The following THRB variants were observed in gnomAD, a reference collection of about 807,000 sequenced individuals.
THRB encodes nuclear receptor subfamily 1 group A member 2.
THRB carries 12 observed loss-of-function variants against 47.8 expected under a neutral mutation model. That is an observed-to-expected ratio of 0.25 (90% CI 0.16 to 0.41). The LOEUF is 0.41. Among genes scored for constraint, THRB ranks in the 10% least tolerant of loss-of-function variants. THRB has a pLI of 1.00. For synonymous variants in THRB, 218 were observed against 212.2 expected (o/e 1.03, Z -0.24); for missense variants, 348 against 589.2 (o/e 0.59, Z 4.24).
intron 3 of THRB, among the ~76,000 whole-genome samples, chr3:24,233,593 A>AAGAAAGAAAGAAAGAAAGAT (rs2048527810): frequency 1.4e-5 from 2 of 148,086 alleles, no homozygotes; most frequent in African/African-American, 5.2e-5. Context: ...GAAAGAAAGA[A>AAGAAAGAAAGAAAGAAAGAT]AGAAAGAAAG....
intron 3 of THRB, among the ~76,000 whole-genome samples, chr3:24,287,471 A>C (rs2055431030): frequency 6.6e-6 from 1 of 152,184 alleles, no homozygotes; most frequent in Non-Finnish European, 1.5e-5. Flanking sequence ...GAAGAAAATC[A>C]GTTCTAGTGA....
At chr3:24,481,249 T>TTTG (rs1395951542) in intron 1 of THRB, among the ~76,000 whole-genome samples, 2 of 147,678 alleles carry the variant, frequency 1.4e-5, no homozygotes, top group East Asian at 2.0e-4. Context: ...TTTTTTTTTT[T>TTTG]TTTTTTTTAC....
intron 1 of THRB, among the ~76,000 whole-genome samples, chr3:24,480,913 A>C (rs1029116703): frequency 2.0e-5 from 3 of 152,162 alleles, no homozygotes; most frequent in Non-Finnish European, 2.9e-5. Context: ...ATCAGTGAAA[A>C]GAAAATTTAA....
rs1012223872 is a variant in THRB, at chr3:24,128,851, G to A, written c.886-1094C>T. On this transcript the variant is annotated intron_variant, in intron 9 of 10. Transcript: ENST00000646209. ...TCAGAATCCAATGCCAAGAGAAGAA[G>A]GAAACATAACTCTTTTTTTTTTTTT... 3.3e-5 allele frequency among the ~76,000 whole-genome samples: 4 copies of A among 122,826 alleles called. No homozygotes were observed. In the Admixed American group the frequency reaches 3.5e-4, roughly 11 times the overall value. The allele number at this position is 122,826 out of a possible 152,430, so 80.6% of individuals were successfully genotyped here.
chr3:24,277,999 T>C (rs2054114986), intron 3 of THRB, among the ~76,000 whole-genome samples: 1 of 152,216 alleles, frequency 6.6e-6, no homozygotes. Flanking sequence ...TGCTGGGTTT[T>C]TCCTCCAAAT....
At chr3:24,181,938 G>A (rs984941026) in intron 5 of THRB, among the ~76,000 whole-genome samples, 4 of 152,132 alleles carry the variant, frequency 2.6e-5, no homozygotes, top group East Asian at 3.9e-4. Context: ...GCGGTGGCTC[G>A]TGCCTGTAAT....
chr3:24,466,587 T>C (rs2074174420), intron 1 of THRB, among the ~76,000 whole-genome samples: 1 of 152,202 alleles, frequency 6.6e-6, no homozygotes, highest in Non-Finnish European at 1.5e-5. Context: ...TTGGAGATAC[T>C]GCAGGTATGA....
intron 1 of THRB, among the ~76,000 whole-genome samples, chr3:24,466,659 G>A (rs2074179407): frequency 1.3e-5 from 2 of 152,140 alleles, no homozygotes; most frequent in Non-Finnish European, 2.9e-5. Context: ...TTGCTTCCCA[G>A]GGCATATAAA....
chr3:24,307,168 C>T (rs192309901), intron 2 of THRB, among the ~76,000 whole-genome samples: 150 of 152,070 alleles, frequency 9.9e-4, no homozygotes, highest in Middle Eastern at 6.8e-3. Flanking sequence ...CTACACAGTG[C>T]CATGTGTATG....
intron 4 of THRB, among the ~76,000 whole-genome samples, chr3:24,228,198 C>A (rs544199196): frequency 3.6e-4 from 55 of 152,206 alleles, no homozygotes; most frequent in African/African-American, 1.2e-3. Flanking sequence ...CTGGTGTTAT[C>A]AGCCTATTCC....
chr3:24,196,337 C>CA (rs1174944816), intron 4 of THRB, among the ~76,000 whole-genome samples: 1 of 150,646 alleles, frequency 6.6e-6, no homozygotes, highest in Non-Finnish European at 1.5e-5. Flanking sequence ...TTAGAGAGGC[C>CA]AAAAAAATAA....
chr3:24,437,121 TA>T (rs1342140013), intron 1 of THRB, among the ~76,000 whole-genome samples: 1 of 146,170 alleles, frequency 6.8e-6, no homozygotes, highest in African/African-American at 2.6e-5. Context: ...TACATACATA[TA>T]ATGAAATATT....
intron 3 of THRB, among the ~76,000 whole-genome samples, chr3:24,243,316 C>G (rs1167387086): frequency 1.3e-5 from 2 of 152,026 alleles, no homozygotes; most frequent in African/African-American, 2.4e-5. Flanking sequence ...GGATACGATT[C>G]CGCTCCTGTC....
chr3:24,243,526 C>T (rs1305777593), intron 3 of THRB, among the ~76,000 whole-genome samples: 1 of 151,972 alleles, frequency 6.6e-6, no homozygotes, highest in Admixed American at 6.6e-5. Context: ...GCTTGGGTCC[C>T]TCCCTCACCT....
At chr3:24,399,224 T>A (rs2067212870) in intron 1 of THRB, among the ~76,000 whole-genome samples, 1 of 148,290 alleles carries the variant, frequency 6.7e-6, no homozygotes, top group Admixed American at 6.7e-5. Context: ...ACATAAAGTA[T>A]AATTAAAAAA....
intron 8 of THRB, among the ~76,000 whole-genome samples, chr3:24,141,234 C>T (rs2035400416): frequency 6.6e-6 from 1 of 152,196 alleles, no homozygotes. Context: ...CATAGATGGT[C>T]AGGCTGGTGA....
intron 1 of THRB, among the ~76,000 whole-genome samples, chr3:24,491,121 G>C (rs892936473): frequency 2.0e-5 from 3 of 151,902 alleles, no homozygotes; most frequent in Non-Finnish European, 4.4e-5. Flanking sequence ...CTTTTTTTCT[G>C]TTAACTTGGC....
At chr3:24,374,057 T>G (rs2065106911) in intron 1 of THRB, among the ~76,000 whole-genome samples, 1 of 152,160 alleles carries the variant, frequency 6.6e-6, no homozygotes, top group Non-Finnish European at 1.5e-5. Flanking sequence ...CGTCCATTGC[T>G]GAATTAAACT....
intron 4 of THRB, among the ~76,000 whole-genome samples, chr3:24,204,846 C>T (rs377751508): frequency 6.6e-6 from 1 of 152,164 alleles, no homozygotes; most frequent in Non-Finnish European, 1.5e-5. Context: ...GCAAGAACTA[C>T]GTGACGAATT....
Sources: gnomAD v4.1 joint callset for allele counts (sites outside exome capture counted in the v4.1 genomes callset) on GRCh38, gnomAD v4.1.1 for gene constraint, MANE v1.5 for transcripts, NCBI Gene and HGNC (gene_info 2026-07-23, HGNC 2026-07-21) for gene names.